PPARA: variants seen among roughly 807,000 people sequenced by gnomAD.
PPARA encodes the protein peroxisome proliferator-activated receptor alpha.
A neutral mutation model predicts 42.2 loss-of-function variants in PPARA; 22 were observed. That is an observed-to-expected ratio of 0.52 (90% CI 0.37 to 0.74). The LOEUF (loss-of-function observed/expected upper bound fraction) is 0.74, where lower values mean the gene tolerates loss of function less well. PPARA is among the 30% of genes least tolerant of loss of function. The pLI is 0.00. For synonymous variants in PPARA, 242 were observed against 239.3 expected (o/e 1.01, Z -0.10); for missense variants, 465 against 608.2 (o/e 0.76, Z 2.48).
rs1337635437 is a variant in PPARA, at chr22:46,212,877, T to TC, written c.209-2293dup. Among the ~76,000 whole-genome samples, 1 of 152,226 alleles carries TC rather than the reference T, an allele frequency of 6.6e-6. No individual in the cohort carries two copies. Among genetic ancestry groups the TC allele is most frequent in the African/African-American group, 2.4e-5 (1 of 41,528 alleles). ...CGGGCGTGGTAATGGGCACCTGTAATCCCAGCTACTTGGAAGGCTGAGGCA... is the reference window on the plus strand; with the variant it reads ...CGGGCGTGGTAATGGGCACCTGTAATCCCCAGCTACTTGGAAGGCTGAGGCA... On this transcript the variant is annotated intron_variant, in intron 4 of 8. Coordinates refer to ENST00000407236, the MANE Select transcript of PPARA (RefSeq NM_005036.6). This position sits in a 1 kb window ranked among gnomAD's most constrained non-coding sequence, Gnocchi z 4.2.
intron 2 of PPARA, among the ~76,000 whole-genome samples, chr22:46,175,513 A>C (rs1349840741): frequency 6.6e-6 from 1 of 151,912 alleles, no homozygotes; most frequent in East Asian, 2.0e-4. Flanking sequence ...GGAGATCGAG[A>C]CCATCCTGGC....
chr22:46,195,503 C>A lies in PPARA; in HGVS notation c.-42-2839C>A, dbSNP rs1932127724. Among the ~76,000 whole-genome samples, 1 of 152,144 alleles carries A rather than the reference C, an allele frequency of 6.6e-6. No individual in the cohort carries two copies. Among genetic ancestry groups the A allele is most frequent in the African/African-American group, 2.4e-5 (1 of 41,442 alleles). ...CCCTGTGTGCTATTTGATGATTTCC[C>A]TGTGAACTTTGATGATTTATTGCCA... On this transcript the variant is annotated intron_variant, in intron 3 of 8. Transcript: ENST00000407236. This position sits in a 1 kb window ranked among gnomAD's most constrained non-coding sequence, Gnocchi z 4.6.
In PPARA at chr22:46,224,691, G is replaced by C. The variant is rs952208045; in HGVS notation, c.711+4677G>C. Among the ~76,000 whole-genome samples, 1 of 152,060 alleles carries C rather than the reference G, an allele frequency of 6.6e-6. No individual in the cohort carries two copies. The highest frequency in any genetic ancestry group is 1.5e-5 in the Non-Finnish European group (1 of 68,016). On this transcript the variant is annotated intron_variant, in intron 7 of 8. Transcript: ENST00000407236. This position sits in a 1 kb window ranked among gnomAD's most constrained non-coding sequence, Gnocchi z 5.7. ...GGCCAGTAAACTAATGGATTCATAC[G>C]AACCGTAATGAACGTGGGCTGTGTG...
rs1195675396 is a variant in PPARA at position 46,227,927 on chromosome 22, T to C, written c.712-3865T>C. On this transcript the variant is annotated intron_variant, in intron 7 of 8. Transcript: ENST00000407236. This position sits in a 1 kb window ranked among gnomAD's most constrained non-coding sequence, Gnocchi z 4.3. ...GTTTAGCGAATTTGCAAGTGTGTTT[T>C]TCAACAGCATTTCTCTTTAGCTTTA... 6.6e-6 allele frequency among the ~76,000 whole-genome samples: 1 copy of C among 152,236 alleles called. No homozygotes were observed. Among genetic ancestry groups the C allele is most frequent in the African/African-American group, 2.4e-5 (1 of 41,462 alleles).
At chr22:46,175,466 C>G (rs1303521325) in intron 2 of PPARA, among the ~76,000 whole-genome samples, 1 of 152,118 alleles carries the variant, frequency 6.6e-6, no homozygotes, top group Non-Finnish European at 1.5e-5. Context: ...GTAATCCCAG[C>G]ACTTTGGGAG....
Position 46,193,755 on chromosome 22 carries a change from G to T in PPARA, c.-42-4587G>T, listed in dbSNP as rs1280823471. On this transcript the variant is annotated intron_variant, in intron 3 of 8. Transcript: ENST00000407236. The surrounding 1 kb of genome is among the most constrained non-coding windows in gnomAD (Gnocchi z 5.3). ...CCTTTTCCCAACACCCTATCCACCT[G>T]TCCCTCACCTCTCAGCTTTTGTGAG... Among the ~76,000 whole-genome samples the T allele has an allele frequency of 3.3e-5, 5 of 152,176 alleles. No individual in the cohort carries two copies. Among genetic ancestry groups the T allele is most frequent in the African/African-American group, 9.6e-5 (4 of 41,458 alleles).
chr22:46,155,026 A>C lies in PPARA; in HGVS notation c.-127+3056A>C, dbSNP rs955250308. The C allele has an allele frequency of 1.5e-4, 20 of 136,948 alleles. 1 individual carries two copies. Among genetic ancestry groups the C allele is most frequent in the African/African-American group, 4.0e-4 (15 of 37,110 alleles). The allele number at this position is 136,948 out of a possible 1,614,324, so 8.5% of individuals were successfully genotyped here. ...AAAAAAAAAAAAAAAAAAAAAAAAAAACCACATTAATTAAAATATGTATTT... is the reference window on the plus strand; with the variant it reads ...AAAAAAAAAAAAAAAAAAAAAAAAACACCACATTAATTAAAATATGTATTT... On this transcript the variant is annotated intron_variant, in intron 2 of 8. Coordinates refer to ENST00000407236, the MANE Select transcript of PPARA (RefSeq NM_005036.6).
In PPARA at chr22:46,200,195, T is replaced by C. The variant is rs1932778488; in HGVS notation, c.208+1604T>C. Among the ~76,000 whole-genome samples the C allele has an allele frequency of 1.3e-5, 2 of 152,224 alleles. No individual in the cohort carries two copies. The highest frequency in any genetic ancestry group is 4.8e-5 in the African/African-American group (2 of 41,458). ...TAATTCTCTCTAGGTTGTATATTTT[T>C]AAAAGACTTCAGCAGTGTGATAAAC... is the stretch of plus-strand genomic sequence containing the variant. On this transcript the variant is annotated intron_variant, in intron 4 of 8. Coordinates refer to ENST00000407236, the MANE Select transcript of PPARA (RefSeq NM_005036.6). The surrounding 1 kb of genome is among the most constrained non-coding windows in gnomAD (Gnocchi z 4.8).
At chr22:46,181,594 C>G (rs950106576) in intron 3 of PPARA, among the ~76,000 whole-genome samples, 33 of 152,074 alleles carry the variant, frequency 2.2e-4, no homozygotes, top group African/African-American at 7.7e-4. Flanking sequence ...GTTGTCCCCC[C>G]CAAAGATTGA....
chr22:46,157,687 G>A (rs1371298218), intron 2 of PPARA, among the ~76,000 whole-genome samples: 1 of 152,164 alleles, frequency 6.6e-6, no homozygotes, highest in Non-Finnish European at 1.5e-5. Context: ...CATAGGGAAG[G>A]GGTATGGTGA....
chr22:46,184,349 G>A lies in PPARA; in HGVS notation c.-43+7513G>A, dbSNP rs1930368086. On this transcript the variant is annotated intron_variant, in intron 3 of 8. Coordinates refer to ENST00000407236, the MANE Select transcript of PPARA (RefSeq NM_005036.6). This position sits in a 1 kb window ranked among gnomAD's most constrained non-coding sequence, Gnocchi z 4.4. ...CAATAATTACCATAATAGGAGAGAA[G>A]TACCAAGTACCATGGGGAGACAGAG... 6.6e-6 allele frequency among the ~76,000 whole-genome samples: 1 copy of A among 152,170 alleles called. No homozygotes were observed. The highest frequency in any genetic ancestry group is 1.5e-5 in the Non-Finnish European group (1 of 68,046).
chr22:46,176,451 A>T (rs763855485), intron 2 of PPARA, among the ~76,000 whole-genome samples: 8 of 152,070 alleles, frequency 5.3e-5, no homozygotes, highest in Non-Finnish European at 1.2e-4. Flanking sequence ...ATGCCACTGC[A>T]CTCCAGCCTG....
rs966994888 is a variant in PPARA at position 46,221,356 on chromosome 22, C to T, written c.711+1342C>T. ...GTGGGGACACAGAGCCAAACCATAT[C>T]ATAAGGCTAGAAAAGGAAACCACTT... is the stretch of plus-strand genomic sequence containing the variant. On this transcript the variant is annotated intron_variant, in intron 7 of 8. Transcript: ENST00000407236. The surrounding 1 kb of genome is among the most constrained non-coding windows in gnomAD (Gnocchi z 5.9). Among the ~76,000 whole-genome samples, 5 of 152,226 alleles carry T rather than the reference C, an allele frequency of 3.3e-5. No homozygotes were observed. In the East Asian group the frequency reaches 5.8e-4, roughly 18 times the overall value.
Position 46,236,712 on chromosome 22 carries a change from G to A in PPARA, c.*1332G>A, listed in dbSNP as rs1226255120. 1 of 152,664 alleles carries A rather than the reference G, an allele frequency of 6.6e-6. No individual in the cohort carries two copies. The highest frequency in any genetic ancestry group is 1.5e-5 in the Non-Finnish European group (1 of 68,050). 9.5% of individuals were successfully genotyped at this position (152,664 alleles called of 1,614,324 possible). On this transcript the variant is annotated 3_prime_UTR_variant, in exon 9 of 9. Coordinates refer to ENST00000407236, the MANE Select transcript of PPARA (RefSeq NM_005036.6). The surrounding 1 kb of genome is among the most constrained non-coding windows in gnomAD (Gnocchi z 5.2). ...CAGACGAGGCACATGTGTCTTCATA[G>A]CCTGGGCTGGGTGGGAGCCAGTCAC...
rs1936396608 is a variant in PPARA, at chr22:46,242,402, T to C, written c.*7022T>C. The C allele has an allele frequency of 6.5e-6, 1 of 152,684 alleles. No individual in the cohort carries two copies. The highest frequency in any genetic ancestry group is 1.5e-5 in the Non-Finnish European group (1 of 68,050). The allele number at this position is 152,684 out of a possible 1,614,324, so 9.5% of individuals were successfully genotyped here. A position where few individuals can be genotyped will look rare whatever the true frequency, so the allele number is the denominator to read the frequency against. ...TTTAAGGCACAGTCAGTTCCTTTTC[T>C]CATGTACCTCACAAAAGATGAAGAC... On this transcript the variant is annotated 3_prime_UTR_variant, in exon 9 of 9. Transcript: ENST00000407236. The surrounding 1 kb of genome is among the most constrained non-coding windows in gnomAD (Gnocchi z 6.1).
At position 46,160,923 on chromosome 22, in the gene PPARA, C is replaced by G. The variant is rs764481657; in HGVS notation, c.-127+8953C>G. 1.1e-4 allele frequency among the ~76,000 whole-genome samples: 16 copies of G among 152,150 alleles called. No individual in the cohort carries two copies. The highest frequency in any genetic ancestry group is 1.9e-4 in the Non-Finnish European group (13 of 68,026). ...AGTATTTTTCTTTCACTCTGGAAAC[C>G]AAAAATTATTGGCTTTTTTTCCTGT... On this transcript the variant is annotated intron_variant, in intron 2 of 8. Coordinates refer to ENST00000407236, the MANE Select transcript of PPARA (RefSeq NM_005036.6). This position sits in a 1 kb window ranked among gnomAD's most constrained non-coding sequence, Gnocchi z 4.5.
Position 46,212,391 on chromosome 22 carries a change from A to T in PPARA, c.209-2782A>T, listed in dbSNP as rs1335655017. Among the ~76,000 whole-genome samples, 5 of 152,100 alleles carry T rather than the reference A, an allele frequency of 3.3e-5. No individual in the cohort carries two copies. In the East Asian group the frequency reaches 5.8e-4, roughly 18 times the overall value. Reference sequence around the variant, plus strand: ...ATTTTCATATGAATAGTTTCACCACATCAAAAAACCCCATGCTTCACCTAT... The same window carrying T: ...ATTTTCATATGAATAGTTTCACCACTTCAAAAAACCCCATGCTTCACCTAT... On this transcript the variant is annotated intron_variant, in intron 4 of 8. Coordinates refer to ENST00000407236, the MANE Select transcript of PPARA (RefSeq NM_005036.6). The surrounding 1 kb of genome is among the most constrained non-coding windows in gnomAD (Gnocchi z 4.2).
At chr22:46,213,082 G>A (rs1358464665) in intron 4 of PPARA, among the ~76,000 whole-genome samples, 2 of 152,224 alleles carry the variant, frequency 1.3e-5, no homozygotes, top group Admixed American at 6.5e-5. Context: ...ACCTAAGAGT[G>A]TGATTCCATC....
intron 2 of PPARA, among the ~76,000 whole-genome samples, chr22:46,170,140 C>T (rs1166499417): frequency 6.7e-6 from 1 of 150,226 alleles, no homozygotes; most frequent in Non-Finnish European, 1.5e-5. Flanking sequence ...AACATTTGTT[C>T]TGCAACCAGT....
Sources: gnomAD v4.1 joint callset for allele counts (sites outside exome capture counted in the v4.1 genomes callset) on GRCh38, gnomAD v4.1.1 for gene constraint, Gnocchi (gnomAD v3.1) non-coding constraint, MANE v1.5 for transcripts, NCBI Gene and HGNC (gene_info 2026-07-23, HGNC 2026-07-21) for gene names.